Variants in LRRC53 observed in about 807,000 individuals in gnomAD.
LRRC53 encodes the protein leucine-rich repeat-containing protein 53.
Under a neutral mutation model 13.6 loss-of-function variants are expected in LRRC53, and 25 were observed. The observed-to-expected ratio is 1.83, with a 90% CI of 1.34 to 2.56. LRRC53 has a LOEUF of 2.56. Ranked by LOEUF, LRRC53 falls within the 30% of genes most tolerant of loss-of-function variation. The pLI is 0.00. For synonymous variants in LRRC53, 204 were observed against 109.8 expected, an observed-to-expected ratio of 1.86 and a Z score of -5.37; for missense variants, 527 against 275.8, an observed-to-expected ratio of 1.91 and a Z score of -6.45.
intron 1 of LRRC53, chr1:74,489,289 CTGCATATCCAA>C: frequency 6.3e-7 from 1 of 1,587,616 alleles, no homozygotes; most frequent in Non-Finnish European, 8.6e-7. Context: ...TAAAAAAGCC[CTGCATATCCAA>C]GGCTGTCAGG....
chr1:74,484,160 G>T (rs1234475473), intron 1 of LRRC53, among the ~76,000 whole-genome samples: 1 of 149,078 alleles, frequency 6.7e-6, no homozygotes, highest in East Asian at 2.0e-4. Context: ...AACATCATTT[G>T]AATTTTATGT....
In LRRC53 at chr1:74,486,088, T is replaced by C. The variant is rs190311434; in HGVS notation, c.-26-2713A>G. On this transcript the variant is annotated intron_variant, in intron 1 of 4. Coordinates refer to ENST00000294635, the MANE Select transcript of LRRC53 (RefSeq NM_001382280.1). ...TAATTTGTTATAAAACAATAACTAA[T>C]ACACTCCAGTTGCCCTGAATTCTGT... 1.6e-4 allele frequency among the ~76,000 whole-genome samples: 24 copies of C among 152,160 alleles called. No individual in the cohort carries two copies. The East Asian group carries it at 3.5e-3, about 22-fold the overall frequency.
upstream of LRRC53, among the ~76,000 whole-genome samples, chr1:74,514,154 T>C (rs1646312022): frequency 1.3e-5 from 2 of 152,214 alleles, no homozygotes; most frequent in Admixed American, 1.3e-4. Flanking sequence ...TAATGCAGAT[T>C]TTATAGAGCA....
chr1:74,480,110 CAAGAG>C, intron 3 of LRRC53, 38 bp downstream of exon 3: 2 of 677,356 alleles, frequency 3.0e-6, no homozygotes, highest in South Asian at 3.3e-5. Context: ...AAAATATGGA[CAAGAG>C]AAGAGAAAAG....
chr1:74,499,958 T>A (rs1046631514), intron 1 of LRRC53, among the ~76,000 whole-genome samples: 1 of 152,098 alleles, frequency 6.6e-6, no homozygotes, highest in Non-Finnish European at 1.5e-5. Context: ...GTATTTTTTC[T>A]CACCCTATCT....
chr1:74,469,559 G>A lies in LRRC53; in HGVS notation c.*319C>T, dbSNP rs951693212. The A allele has an allele frequency of 1.0e-5, 2 of 191,864 alleles. No homozygotes were observed. Among genetic ancestry groups the A allele is most frequent in the East Asian group, 2.3e-4 (2 of 8,652 alleles). 11.9% of individuals were successfully genotyped at this position (191,864 alleles called of 1,614,324 possible). ...TCTGCTCAAATACTCTTCTTATGTA[G>A]TTTTTCATTTGTTTAAGGCTTTTTT... On this transcript the variant is annotated 3_prime_UTR_variant, in exon 5 of 5. Coordinates refer to ENST00000294635, the MANE Select transcript of LRRC53 (RefSeq NM_001382280.1).
chr1:74,485,564 A>G (rs897648266), intron 1 of LRRC53, among the ~76,000 whole-genome samples: 1 of 152,198 alleles, frequency 6.6e-6, no homozygotes, highest in Non-Finnish European at 1.5e-5. Context: ...CCTGTCCTTC[A>G]GTGTGGGCAG....
chr1:74,523,670 T>A, the LRRC53 span, among the ~76,000 whole-genome samples: 6 of 152,218 alleles, frequency 3.9e-5, no homozygotes, highest in African/African-American at 1.4e-4. Context: ...TGGCAGTGTC[T>A]GGTCTGGTAT....
chr1:74,521,904 A>G, the LRRC53 span, among the ~76,000 whole-genome samples: 4 of 152,178 alleles, frequency 2.6e-5, no homozygotes, highest in East Asian at 1.9e-4. Context: ...GCTATGAATC[A>G]TAACTACTCA....
At chr1:74,494,451 G>GATAAACA (rs1488150580) in intron 1 of LRRC53, among the ~76,000 whole-genome samples, 52 of 152,196 alleles carry the variant, frequency 3.4e-4, no homozygotes, top group African/African-American at 1.2e-3. Context: ...CACACAAACT[G>GATAAACA]GACACCATTT....
At chr1:74,476,893 T>C (rs924683102) in intron 3 of LRRC53, among the ~76,000 whole-genome samples, 2 of 152,162 alleles carry the variant, frequency 1.3e-5, no homozygotes, top group African/African-American at 2.4e-5. Context: ...TTTTTTTCTG[T>C]TAAAGATGAA....
chr1:74,483,388 T>G lies in LRRC53; in HGVS notation c.-26-13A>C. The G allele has an allele frequency of 1.4e-6, 1 of 716,758 alleles. No homozygotes were observed. Among genetic ancestry groups the G allele is most frequent in the Non-Finnish European group, 2.6e-6 (1 of 384,708 alleles). 44.4% of individuals were successfully genotyped at this position (716,758 alleles called of 1,614,324 possible). A position where few individuals can be genotyped will look rare whatever the true frequency, so the allele number is the denominator to read the frequency against. On this transcript the variant is annotated splice_polypyrimidine_tract_variant and intron_variant, in intron 1 of 4. Coordinates refer to ENST00000294635, the MANE Select transcript of LRRC53 (RefSeq NM_001382280.1). ...ACCAGCCATCCACCTGAAAGGAAAG[T>G]AGAGGGCAATGTATATCATAATGTT...
chr1:74,519,929 A>G, the LRRC53 span, among the ~76,000 whole-genome samples: 3 of 152,014 alleles, frequency 2.0e-5, no homozygotes, highest in Non-Finnish European at 4.4e-5. Flanking sequence ...ACTGGACAGC[A>G]TGTTCTTACA....
At chr1:74,528,407 A>G in the LRRC53 span, among the ~76,000 whole-genome samples, 1 of 152,118 alleles carries the variant, frequency 6.6e-6, no homozygotes, top group Non-Finnish European at 1.5e-5. Context: ...GGTAGGTGTC[A>G]GAACACATGA....
At chr1:74,507,231 C>G (rs1557614822) in intron 1 of LRRC53, among the ~76,000 whole-genome samples, 1 of 141,050 alleles carries the variant, frequency 7.1e-6, no homozygotes, top group Non-Finnish European at 1.5e-5. Context: ...TCACCCCCCC[C>G]CCATCTTTTT....
chr1:74,472,101 A>G lies in LRRC53; in HGVS notation c.1521T>C (p.Pro507=). 1 of 717,072 alleles carries G rather than the reference A, an allele frequency of 1.4e-6. No homozygotes were observed. Among genetic ancestry groups the G allele is most frequent in the Admixed American group, 2.0e-5 (1 of 49,962 alleles). The allele number at this position is 717,072 out of a possible 1,614,324, so 44.4% of individuals were successfully genotyped here. A position where few individuals can be genotyped will look rare whatever the true frequency, so the allele number is the denominator to read the frequency against. The change falls in exon 5 of 5, where the codon CCT becomes CCC. Residue 507 remains proline (P), a synonymous_variant. Transcript: ENST00000294635. ...EKRLTNESWQ[P]PIEKEDNGLH... is the part of the protein sequence containing the mutation. ...AGCCATTGTCTTCTTTTTCTATTGG[A>G]GGCTGCCATGATTCATTTGTTAAAC...
At chr1:74,529,409 C>T in the LRRC53 span, among the ~76,000 whole-genome samples, 1 of 152,162 alleles carries the variant, frequency 6.6e-6, no homozygotes, top group Non-Finnish European at 1.5e-5. Context: ...ACTGGCTTGT[C>T]ATCCTCAAAA....
At chr1:74,507,199 G>C (rs1227009621) in intron 1 of LRRC53, among the ~76,000 whole-genome samples, 3 of 149,358 alleles carry the variant, frequency 2.0e-5, no homozygotes, top group Non-Finnish European at 3.0e-5. Context: ...TATCACACAT[G>C]ATGAGCAGTT....
rs899246174 is a variant in LRRC53 at position 74,475,540 on chromosome 1, G to A, written c.1175C>T (p.Ser392Phe). The A allele has an allele frequency of 1.4e-6, 1 of 717,338 alleles. No individual in the cohort carries two copies. The highest frequency in any genetic ancestry group is 2.6e-6 in the Non-Finnish European group (1 of 384,964). 44.4% of individuals were successfully genotyped at this position (717,338 alleles called of 1,614,324 possible). A position where few individuals can be genotyped will look rare whatever the true frequency, so the allele number is the denominator to read the frequency against. ...TCTAAATGATCCGTCAAGGGTTGCA[G>A]ACTCAGAGGCCGATGTTGCTTGATG... The part of the protein sequence containing the change: ...NSHQATSASE[S>F]ATLDGSFRNL... Residue 392 changes from serine (S) to phenylalanine (F), a missense_variant, in exon 4 of 5, where the codon TCT (serine) becomes TTT (phenylalanine). Coordinates refer to ENST00000294635, the MANE Select transcript of LRRC53 (RefSeq NM_001382280.1).
Sources: gnomAD v4.1 joint callset for allele counts (sites outside exome capture counted in the v4.1 genomes callset) on GRCh38, gnomAD v4.1.1 for gene constraint, MANE v1.5 for transcripts, NCBI Gene and HGNC (gene_info 2026-07-23, HGNC 2026-07-21) for gene names.